DYNLT2B: variants seen among roughly 807,000 people sequenced by gnomAD.
The protein encoded by DYNLT2B is dynein light chain Tctex-type protein 2B.
Under a neutral mutation model 19.5 loss-of-function variants are expected in DYNLT2B, and 14 were observed. That is an observed-to-expected ratio of 0.72 (90% CI 0.47 to 1.12). The LOEUF is 1.12. Ranked by LOEUF, DYNLT2B falls within the 50% of genes most tolerant of loss-of-function variation. The probability of loss-of-function intolerance (pLI) is 0.00; values close to 1 mark genes in which losing one functional copy is unlikely to be tolerated. For missense variants in DYNLT2B, 133 were observed against 174.7 expected, an observed-to-expected ratio of 0.76 and a Z score of 1.35; for synonymous variants, 70 against 59.7, an observed-to-expected ratio of 1.17 and a Z score of -0.79.
At chr3:196,312,800 A>C (rs1726677159) in intron 2 of DYNLT2B, among the ~76,000 whole-genome samples, 1 of 152,140 alleles carries the variant, frequency 6.6e-6, no homozygotes, top group Non-Finnish European at 1.5e-5. Flanking sequence ...AGGCATTCTC[A>C]AACACAAAAG....
intron 2 of DYNLT2B, among the ~76,000 whole-genome samples, chr3:196,307,848 G>A (rs1726534132): frequency 6.6e-6 from 1 of 151,586 alleles, no homozygotes; most frequent in African/African-American, 2.4e-5. Context: ...CAGAAGGTGA[G>A]GCCAGTGGAT....
intron 1 of DYNLT2B, 135 bp from the exon 2 acceptor site, chr3:196,316,366 A>G: frequency 1.0e-6 from 1 of 969,708 alleles, no homozygotes; most frequent in Non-Finnish European, 1.4e-6. Flanking sequence ...TATAAAATAT[A>G]AACAAATTAA....
intron 2 of DYNLT2B, among the ~76,000 whole-genome samples, chr3:196,311,240 C>A (rs145279090): frequency 2.9e-4 from 44 of 151,986 alleles, no homozygotes; most frequent in African/African-American, 1.0e-3. Context: ...AATGGCAAAA[C>A]CCCGTCTCTA....
At position 196,307,030 on chromosome 3, in the gene DYNLT2B, G is replaced by A; in HGVS notation, c.248-18C>T. On this transcript the variant is annotated intron_variant, in intron 2 of 4. Coordinates refer to ENST00000325318, the MANE Select transcript of DYNLT2B (RefSeq NM_152773.5). ...TCCCATTTCTAGAAAGAAAAAATAA[G>A]GTTATTTATAAGCAAATATGTAGTA... 1.9e-6 allele frequency: 3 copies of A among 1,609,108 alleles called. No individual in the cohort carries two copies. Among genetic ancestry groups the A allele is most frequent in the Non-Finnish European group, 2.5e-6 (3 of 1,176,552 alleles).
At chr3:196,311,670 TTTA>T (rs1726647364) in intron 2 of DYNLT2B, among the ~76,000 whole-genome samples, 1 of 115,758 alleles carries the variant, frequency 8.6e-6, no homozygotes, top group Admixed American at 8.2e-5. Flanking sequence ...ATTTTATTTA[TTTA>T]TTTATTTATT....
intron 3 of DYNLT2B, among the ~76,000 whole-genome samples, chr3:196,304,910 C>T (rs1442549436): frequency 6.6e-6 from 1 of 152,106 alleles, no homozygotes. Flanking sequence ...GAGGCAGGGT[C>T]TCACTCTGTC....
chr3:196,317,369 AGTGTGTGTGTGT>A (rs56203830), intron 1 of DYNLT2B, among the ~76,000 whole-genome samples: 1,220 of 15,908 alleles, frequency 0.077, 192 homozygotes, highest in East Asian at 0.4. Context: ...TATTTTTTTC[AGTGTGTGTGTGT>A]GTGTGTGTGT....
intron 4 of DYNLT2B, among the ~76,000 whole-genome samples, chr3:196,293,634 C>G (rs1726146094): frequency 7.1e-6 from 1 of 141,282 alleles, no homozygotes; most frequent in African/African-American, 2.6e-5. Flanking sequence ...TCAAAACAAA[C>G]AAACAAGATG....
intron 2 of DYNLT2B, among the ~76,000 whole-genome samples, chr3:196,312,025 C>CA (rs1018892386): frequency 2.0e-5 from 3 of 152,178 alleles, no homozygotes; most frequent in Non-Finnish European, 4.4e-5. Flanking sequence ...GGATTACAGG[C>CA]ATGCGCCACC....
At chr3:196,309,652 A>G (rs1320045943) in intron 2 of DYNLT2B, among the ~76,000 whole-genome samples, 1 of 151,976 alleles carries the variant, frequency 6.6e-6, no homozygotes, top group Non-Finnish European at 1.5e-5. Context: ...GGAAGGAAGG[A>G]GCTGTGTAAG....
intron 3 of DYNLT2B, 68 bp from the exon 4 acceptor site, chr3:196,296,137 G>A (rs920928194): frequency 6.2e-6 from 8 of 1,297,138 alleles, no homozygotes; most frequent in East Asian, 4.6e-5. Context: ...TATCTGCCAC[G>A]AGAAACAGTG....
intron 4 of DYNLT2B, among the ~76,000 whole-genome samples, chr3:196,295,214 A>T (rs1467443333): frequency 8.0e-6 from 1 of 125,130 alleles, no homozygotes; most frequent in Non-Finnish European, 1.8e-5. Flanking sequence ...AGGCTGGAAT[A>T]CAGTGGCACA....
chr3:196,293,142 C>G (rs1726135500), intron 4 of DYNLT2B, among the ~76,000 whole-genome samples: 2 of 152,188 alleles, frequency 1.3e-5, no homozygotes, highest in Non-Finnish European at 2.9e-5. Flanking sequence ...GCGTGAGCCA[C>G]CACACCCAGC....
chr3:196,294,254 G>A (rs927211529), intron 4 of DYNLT2B, among the ~76,000 whole-genome samples: 1 of 152,162 alleles, frequency 6.6e-6, no homozygotes, highest in African/African-American at 2.4e-5. Context: ...GGAAGGCTGA[G>A]GCAGGACACT....
At chr3:196,300,810 C>G (rs1276430611) in intron 3 of DYNLT2B, among the ~76,000 whole-genome samples, 1 of 149,752 alleles carries the variant, frequency 6.7e-6, no homozygotes, top group East Asian at 2.0e-4. Context: ...AGCACTTGGG[C>G]ACTTGGGGAG....
At position 196,291,222 on chromosome 3, in the gene DYNLT2B, A is replaced by G. The variant is rs961681936; in HGVS notation, c.*105T>C. On this transcript the variant is annotated 3_prime_UTR_variant, in exon 5 of 5. Coordinates refer to ENST00000325318, the MANE Select transcript of DYNLT2B (RefSeq NM_152773.5). ...ATAAGGCCTAAAACACAACAGATTCAGTTGTCAAACTACTAACATCTTTAT... is the reference window on the plus strand; with the variant it reads ...ATAAGGCCTAAAACACAACAGATTCGGTTGTCAAACTACTAACATCTTTAT... The G allele has an allele frequency of 3.0e-6, 3 of 985,874 alleles. No individual in the cohort carries two copies. Among genetic ancestry groups the G allele is most frequent in the Non-Finnish European group, 4.5e-6 (3 of 666,602 alleles). The allele number at this position is 985,874 out of a possible 1,614,324, so 61.1% of individuals were successfully genotyped here.
chr3:196,293,026 G>A (rs574609673), intron 4 of DYNLT2B, among the ~76,000 whole-genome samples: 1 of 152,194 alleles, frequency 6.6e-6, no homozygotes, highest in South Asian at 2.1e-4. Flanking sequence ...GCTAGTTTTT[G>A]TATTTTTAGT....
intron 2 of DYNLT2B, among the ~76,000 whole-genome samples, chr3:196,310,893 G>A (rs549376056): frequency 8.6e-5 from 13 of 151,518 alleles, no homozygotes; most frequent in Non-Finnish European, 1.3e-4. Context: ...GCACCACCAC[G>A]CCTGGCTAAT....
Position 196,316,934 on chromosome 3 carries a change from GGTGT to G in DYNLT2B, c.114-707_114-704del, listed in dbSNP as rs367746234. ...TGTGTGGTGTGTGTGTGTGTTGTGT[GGTGT>G]GTGTGTGTGTGTGTAAAGTTAGTGA... On this transcript the variant is annotated intron_variant, in intron 1 of 4. Transcript: ENST00000325318. 4.7e-4 allele frequency among the ~76,000 whole-genome samples: 36 copies of G among 76,750 alleles called. 1 individual carries two copies. Among genetic ancestry groups the G allele is most frequent in the East Asian group, 1.2e-3 (1 of 858 alleles). 50.4% of individuals were successfully genotyped at this position (76,750 alleles called of 152,430 possible). A position where few individuals can be genotyped will look rare whatever the true frequency, so the allele number is the denominator to read the frequency against.
Sources: allele counts gnomAD v4.1 joint callset (sites outside exome capture counted in the v4.1 genomes callset), GRCh38; gene constraint gnomAD v4.1.1; transcripts MANE v1.5; gene names NCBI Gene and HGNC (gene_info 2026-07-23, HGNC 2026-07-21).